The following PRKN variants were observed in gnomAD, a reference collection of about 807,000 sequenced individuals.
The protein encoded by PRKN is parkin RBR E3 ubiquitin protein ligase.
A neutral mutation model predicts 59.5 loss-of-function variants in PRKN; 56 were observed. The ratio of observed to expected loss-of-function variants is 0.94; its 90% CI spans 0.76 to 1.18. PRKN has a LOEUF of 1.18. Among genes scored for constraint, PRKN ranks in the 50% most tolerant of loss-of-function variants. The pLI, the probability that PRKN is intolerant of heterozygous loss-of-function variation, is 0.00. For missense variants in PRKN, 657 were observed against 596.4 expected (o/e 1.10, Z -1.06); for synonymous variants, 250 against 222.1 (o/e 1.13, Z -1.12).
chr6:162,314,133 C>T (rs1424663080), intron 2 of PRKN, among the ~76,000 whole-genome samples: 1 of 152,078 alleles, frequency 6.6e-6, no homozygotes, highest in Admixed American at 6.6e-5. Context: ...ACACAGAGTT[C>T]CCATGCAGAA....
intron 1 of PRKN, among the ~76,000 whole-genome samples, chr6:162,725,349 C>T (rs951001625): frequency 1.3e-5 from 2 of 152,154 alleles, no homozygotes; most frequent in African/African-American, 4.8e-5. Context: ...ATTTTTGTCA[C>T]AAAAACACAA....
chr6:162,008,863 T>A (rs1040897432), intron 5 of PRKN, among the ~76,000 whole-genome samples: 2 of 151,992 alleles, frequency 1.3e-5, no homozygotes, highest in Non-Finnish European at 2.9e-5. Context: ...TAGAGAAAAA[T>A]TTAACAGTCT....
intron 7 of PRKN, among the ~76,000 whole-genome samples, chr6:161,718,652 G>T (rs1489780356): frequency 1.3e-5 from 2 of 151,954 alleles, no homozygotes; most frequent in Non-Finnish European, 2.9e-5. Flanking sequence ...TCCCTAGCAG[G>T]CACCTGCCAG....
chr6:161,815,039 C>T (rs1252748739), intron 6 of PRKN, among the ~76,000 whole-genome samples: 1 of 152,092 alleles, frequency 6.6e-6, no homozygotes, highest in African/African-American at 2.4e-5. Flanking sequence ...GAGAAAAACT[C>T]TCTCTAGGTG....
At chr6:161,778,059 A>T (rs1411673818) in intron 7 of PRKN, among the ~76,000 whole-genome samples, 1 of 151,844 alleles carries the variant, frequency 6.6e-6, no homozygotes, top group Non-Finnish European at 1.5e-5. Flanking sequence ...GACCATTTGT[A>T]TGGGCTAGGG....
chr6:162,660,342 G>A (rs1224292821), intron 1 of PRKN, among the ~76,000 whole-genome samples: 1 of 152,190 alleles, frequency 6.6e-6, no homozygotes, highest in East Asian at 1.9e-4. Flanking sequence ...CATGCAAGAG[G>A]CTCACTTCTC....
chr6:162,020,704 T>C (rs1262184218), intron 5 of PRKN, among the ~76,000 whole-genome samples: 1 of 152,168 alleles, frequency 6.6e-6, no homozygotes, highest in Non-Finnish European at 1.5e-5. Context: ...CAGAAATTGA[T>C]TTTTTTCTCA....
chr6:162,221,391 G>C (rs1412533068), intron 3 of PRKN, among the ~76,000 whole-genome samples: 2 of 152,122 alleles, frequency 1.3e-5, no homozygotes, highest in Non-Finnish European at 2.9e-5. Flanking sequence ...AAATTTACTG[G>C]ACTATGAACA....
chr6:161,765,175 T>C (rs927965901), intron 7 of PRKN, among the ~76,000 whole-genome samples: 4 of 152,214 alleles, frequency 2.6e-5, no homozygotes, highest in Non-Finnish European at 5.9e-5. Flanking sequence ...TCCTTTAACA[T>C]TCCTATAAAC....
intron 3 of PRKN, among the ~76,000 whole-genome samples, chr6:162,251,350 A>G (rs1360113097): frequency 2.0e-5 from 3 of 152,130 alleles, no homozygotes; most frequent in Non-Finnish European, 2.9e-5. Context: ...GAAACCTTCA[A>G]CATAGAGATT....
intron 1 of PRKN, among the ~76,000 whole-genome samples, chr6:162,593,603 A>G (rs1781387715): frequency 6.6e-6 from 1 of 152,078 alleles, no homozygotes; most frequent in Non-Finnish European, 1.5e-5. Flanking sequence ...CTTGCCTTCA[A>G]GTTGCTTGCT....
rs943130975 is a variant in PRKN at position 161,354,191 on chromosome 6, A to G, written c.1286-3980T>C. Reference sequence around the variant, plus strand: ...CCTAGGGCTTAATATACACAAGGCCATAGAGCTAGACCCAGGCCATGGAGG... The same window carrying G: ...CCTAGGGCTTAATATACACAAGGCCGTAGAGCTAGACCCAGGCCATGGAGG... On this transcript the variant is annotated intron_variant, in intron 11 of 11. Coordinates refer to ENST00000366898, the MANE Select transcript of PRKN (RefSeq NM_004562.3). This position sits in a 1 kb window ranked among gnomAD's most constrained non-coding sequence, Gnocchi z 6.7. 6.6e-5 allele frequency among the ~76,000 whole-genome samples: 10 copies of G among 152,320 alleles called. No homozygotes were observed. Among genetic ancestry groups the G allele is most frequent in the Non-Finnish European group, 1.2e-4 (8 of 68,032 alleles).
At chr6:162,556,359 G>T (rs1249119769) in intron 1 of PRKN, among the ~76,000 whole-genome samples, 2 of 73,748 alleles carry the variant, frequency 2.7e-5, no homozygotes, top group Non-Finnish European at 6.3e-5. Flanking sequence ...GTGTGTGTGT[G>T]TGTGTGTGTG....
At chr6:161,731,582 C>G (rs1787713700) in intron 7 of PRKN, among the ~76,000 whole-genome samples, 1 of 152,050 alleles carries the variant, frequency 6.6e-6, no homozygotes, top group South Asian at 2.1e-4. Context: ...GTTTGTTTAT[C>G]TAATAAAAGT....
chr6:162,284,912 A>T (rs1781110761), intron 2 of PRKN, among the ~76,000 whole-genome samples: 1 of 152,154 alleles, frequency 6.6e-6, no homozygotes, highest in South Asian at 2.1e-4. Flanking sequence ...GACTGTTTGG[A>T]GATAGGGCCT....
chr6:162,308,510 T>G (rs1303263968), intron 2 of PRKN, among the ~76,000 whole-genome samples: 1 of 152,212 alleles, frequency 6.6e-6, no homozygotes, highest in African/African-American at 2.4e-5. Context: ...GATGAGGTCA[T>G]GAAAGAAGAG....
chr6:162,051,711 T>C (rs1777653255), intron 5 of PRKN, among the ~76,000 whole-genome samples: 1 of 152,092 alleles, frequency 6.6e-6, no homozygotes, highest in South Asian at 2.1e-4. Flanking sequence ...GAAGAAGCCT[T>C]CCTTCCTCTC....
chr6:161,782,695 A>C, intron 7 of PRKN, among the ~76,000 whole-genome samples: 1 of 151,960 alleles, frequency 6.6e-6, no homozygotes, highest in Admixed American at 6.6e-5. Flanking sequence ...GGAGTTAGAG[A>C]CCAGCCTGGT....
At chr6:161,733,778 AAAAAAATATAT>A (rs1354831061) in intron 7 of PRKN, among the ~76,000 whole-genome samples, 2 of 89,882 alleles carry the variant, frequency 2.2e-5, no homozygotes, top group African/African-American at 1.3e-4. Flanking sequence ...GTGAAAAAAA[AAAAAAATATAT>A]ATATATATGT....
Sources: gnomAD v4.1 joint callset for allele counts (sites outside exome capture counted in the v4.1 genomes callset) on GRCh38, gnomAD v4.1.1 for gene constraint, Gnocchi (gnomAD v3.1) non-coding constraint, MANE v1.5 for transcripts, NCBI Gene and HGNC (gene_info 2026-07-23, HGNC 2026-07-21) for gene names.